The following GPI variants were observed in gnomAD, a reference collection of about 807,000 sequenced individuals.
GPI encodes the protein D-hexose-6-phosphate anomerase.
In GPI, 56 loss-of-function variants were observed where a neutral mutation model predicts 75.8. The ratio of observed to expected loss-of-function variants is 0.74; its 90% CI spans 0.60 to 0.92. GPI has a LOEUF of 0.92. Ranked by LOEUF, GPI falls within the 40% of genes least tolerant of loss-of-function variation. The pLI is 0.00. For missense variants in GPI, 638 were observed against 741.0 expected, an observed-to-expected ratio of 0.86 and a Z score of 1.61; for synonymous variants, 288 against 285.4, an observed-to-expected ratio of 1.01 and a Z score of -0.09.
chr19:34,381,250 T>C (rs1446954863), intron 8 of GPI: 4 of 621,746 alleles, frequency 6.4e-6, no homozygotes, highest in Non-Finnish European at 1.2e-5. Context: ...GTCACTGGCG[T>C]GCTGGTCATG....
rs932649993 is a variant in GPI, at chr19:34,383,465, C to G, written c.804+1946C>G. 2.0e-5 allele frequency among the ~76,000 whole-genome samples: 3 copies of G among 152,088 alleles called. No individual in the cohort carries two copies. In the South Asian group the frequency reaches 6.2e-4, roughly 32 times the overall value. On this transcript the variant is annotated intron_variant, in intron 9 of 17. Coordinates refer to ENST00000356487, the MANE Select transcript of GPI (RefSeq NM_000175.5). Reference sequence around the variant, plus strand: ...GCACGCTGGGATCTCTGGCCGGTTCCGAAAAGTGAGGATCAGGTAGTGGGT... The same window carrying G: ...GCACGCTGGGATCTCTGGCCGGTTCGGAAAAGTGAGGATCAGGTAGTGGGT...
chr19:34,393,351 G>T lies in GPI; in HGVS notation c.865+43G>T. The T allele has an allele frequency of 6.7e-7, 1 of 1,500,940 alleles. No individual in the cohort carries two copies. The highest frequency in any genetic ancestry group is 9.3e-7 in the Non-Finnish European group (1 of 1,076,414). The allele number at this position is 1,500,940 out of a possible 1,614,324, so 93.0% of individuals were successfully genotyped here. On this transcript the variant is annotated intron_variant, in intron 10 of 17. Transcript: ENST00000356487. This position sits in a 1 kb window ranked among gnomAD's most constrained non-coding sequence, Gnocchi z 4.4. ...TCTTGCAGCCCCTGTGGGAGACAGT[G>T]TTGCAGTCTAAGGTCGGGGTAGGGG...
At chr19:34,364,908 C>G (rs924683022), upstream of GPI, 4 of 1,427,788 alleles carry the variant, frequency 2.8e-6, no homozygotes, top group Middle Eastern at 1.8e-4. Context: ...TGCAGCGGCG[C>G]GATGGTAGCT....
At chr19:34,368,078 A>G (rs986365856) in intron 3 of GPI, among the ~76,000 whole-genome samples, 2 of 151,896 alleles carry the variant, frequency 1.3e-5, no homozygotes, top group Non-Finnish European at 2.9e-5. Flanking sequence ...TGCCACCCCC[A>G]CCTGGCTGAT....
intron 9 of GPI, among the ~76,000 whole-genome samples, chr19:34,383,738 A>G (rs2074690477): frequency 6.6e-6 from 1 of 152,036 alleles, no homozygotes; most frequent in African/African-American, 2.4e-5. Flanking sequence ...TGGCATGAGG[A>G]GCTGTGCTGG....
intron 8 of GPI, 176 bp from the exon 9 acceptor site, chr19:34,381,290 C>A: frequency 1.5e-6 from 1 of 683,238 alleles, no homozygotes; most frequent in Non-Finnish European, 2.7e-6. Context: ...TTGGGGTGGG[C>A]AGATCCTGGG....
In GPI at chr19:34,402,215, G is replaced by A. The variant is rs1263611299; in HGVS notation, c.*2179G>A. On this transcript the variant is annotated 3_prime_UTR_variant, in exon 18 of 18. Coordinates refer to ENST00000356487, the MANE Select transcript of GPI (RefSeq NM_000175.5). ...AGGATCCCACTGAGGCCAGAGAATA[G>A]GGTCTGGAGACAAAGGAGCATTCAC... 6.6e-6 allele frequency: 1 copy of A among 152,092 alleles called. No homozygotes were observed. Among genetic ancestry groups the A allele is most frequent in the East Asian group, 1.9e-4 (1 of 5,196 alleles). The allele number at this position is 152,092 out of a possible 1,614,324, so 9.4% of individuals were successfully genotyped here.
At chr19:34,364,946 A>G, upstream of GPI, 1 of 1,525,390 alleles carries the variant, frequency 6.6e-7, no homozygotes, top group Non-Finnish European at 8.8e-7. Context: ...CCTGGGCTCC[A>G]GTGATCCCCG....
chr19:34,366,094 C>G (rs945088374), intron 1 of GPI: 3 of 683,330 alleles, frequency 4.4e-6, no homozygotes, highest in South Asian at 1.5e-5. Context: ...TCCCCCACTT[C>G]AGTCCGGGCT....
intron 4 of GPI, among the ~76,000 whole-genome samples, chr19:34,371,510 TAA>T (rs1568329023): frequency 1.3e-5 from 2 of 152,092 alleles, no homozygotes; most frequent in African/African-American, 4.8e-5. Flanking sequence ...GTGGGTATGG[TAA>T]AGACTCATTT....
At position 34,400,715 on chromosome 19, in the gene GPI, A is replaced by G. The variant is rs1045879263; in HGVS notation, c.*679A>G. Reference sequence around the variant, plus strand: ...GCTCAGGTAGTTCTTTTGCTTTAAAAGGCAGATATTGAAAACTGGAATTTT... The same window carrying G: ...GCTCAGGTAGTTCTTTTGCTTTAAAGGGCAGATATTGAAAACTGGAATTTT... On this transcript the variant is annotated 3_prime_UTR_variant, in exon 18 of 18. Transcript: ENST00000356487. 2.5e-6 allele frequency: 1 copy of G among 400,876 alleles called. No homozygotes were observed. Among genetic ancestry groups the G allele is most frequent in the Non-Finnish European group, 4.4e-6 (1 of 227,640 alleles). 24.8% of individuals were successfully genotyped at this position (400,876 alleles called of 1,614,324 possible).
chr19:34,378,651 A>C (rs2074589500), intron 6 of GPI, among the ~76,000 whole-genome samples: 1 of 152,208 alleles, frequency 6.6e-6, no homozygotes, highest in Admixed American at 6.5e-5. Context: ...GATACCTTCC[A>C]GCCTGGGCCG....
intron 8 of GPI, among the ~76,000 whole-genome samples, chr19:34,380,532 T>TTGG (rs2074634271): frequency 6.6e-6 from 1 of 152,234 alleles, no homozygotes; most frequent in East Asian, 1.9e-4. Context: ...TCTGCCCACC[T>TTGG]CGGCCTACCA....
In GPI at chr19:34,378,964, G is replaced by T; in HGVS notation, c.664G>T (p.Ala222Ser). Reference protein sequence around the residue: ...TFTTQETITNAETAKEWFLQA... With the variant: ...TFTTQETITNSETAKEWFLQA... ...TACTACCCAGGAGACCATCACGAATGCAGAGACGGCGAAGGAGTGGTTTCT... is the reference window on the plus strand; with the variant it reads ...TACTACCCAGGAGACCATCACGAATTCAGAGACGGCGAAGGAGTGGTTTCT... Residue 222 changes from alanine to serine, a missense_variant, in exon 7 of 18, where the codon GCA (alanine) becomes TCA (serine). Ala to Ser is a moderately conservative substitution (Grantham distance 99). Transcript: ENST00000356487. 1 of 1,614,210 alleles carries T rather than the reference G, an allele frequency of 6.2e-7. No homozygotes were observed. Among genetic ancestry groups the T allele is most frequent in the Non-Finnish European group, 8.5e-7 (1 of 1,180,022 alleles).
chr19:34,392,196 GGATCTGGCCCCCTTA>G (rs2074860290), intron 9 of GPI: 1 of 69,514 alleles, frequency 1.4e-5, no homozygotes, highest in Non-Finnish European at 3.0e-5. Flanking sequence ...TGAGGAGGTT[GGATCTGGCCCCCTTA>G]TGAGGATCTG....
chr19:34,388,920 C>T (rs1019912493), intron 9 of GPI, among the ~76,000 whole-genome samples: 1 of 151,776 alleles, frequency 6.6e-6, no homozygotes, highest in African/African-American at 2.4e-5. Context: ...GAGCAAGACC[C>T]CATCTCTACA....
At chr19:34,374,648 A>G (rs2074505842) in intron 4 of GPI, among the ~76,000 whole-genome samples, 1 of 152,144 alleles carries the variant, frequency 6.6e-6, no homozygotes, top group South Asian at 2.1e-4. Flanking sequence ...CACACCCAGC[A>G]TACAATGGTG....
intron 9 of GPI, among the ~76,000 whole-genome samples, chr19:34,383,747 G>A (rs1362340010): frequency 6.6e-6 from 1 of 152,158 alleles, no homozygotes. Context: ...GAGCTGTGCT[G>A]GGTGGGTGCG....
At position 34,366,771 on chromosome 19, in the gene GPI, G is replaced by T. The variant is rs369778460; in HGVS notation, c.214-12G>T. 1.2e-6 allele frequency: 2 copies of T among 1,608,678 alleles called. No homozygotes were observed. Among genetic ancestry groups the T allele is most frequent in the Non-Finnish European group, 1.7e-6 (2 of 1,176,284 alleles). On this transcript the variant is annotated splice_polypyrimidine_tract_variant and intron_variant, in intron 2 of 17. Transcript: ENST00000356487. ...GTGGGTGGGACCAGGCCTCAGTATC[G>T]TCTCTTCCTAGGCCAAGTCCAGGGG...
Sources: allele counts gnomAD v4.1 joint callset (sites outside exome capture counted in the v4.1 genomes callset), GRCh38; gene constraint gnomAD v4.1.1; non-coding constraint Gnocchi (gnomAD v3.1); transcripts MANE v1.5; gene names NCBI Gene and HGNC (gene_info 2026-07-23, HGNC 2026-07-21).